CRCP: variants seen among roughly 807,000 people sequenced by gnomAD.
CRCP encodes the protein CGRP receptor component, also known as DNA-directed RNA polymerase III subunit RPC9.
In CRCP, 18 loss-of-function variants were observed where a neutral mutation model predicts 18.5. That is an observed-to-expected ratio of 0.97 (90% CI 0.67 to 1.44). The LOEUF is 1.44. Among genes scored for constraint, CRCP ranks in the 40% most tolerant of loss-of-function variants. The pLI is 0.00. For missense variants in CRCP, 130 were observed against 176.4 expected (o/e 0.74, Z 1.49); for synonymous variants, 53 against 62.9 (o/e 0.84, Z 0.75).
chr7:66,145,758 T>C (rs1278462112), intron 5 of CRCP, among the ~76,000 whole-genome samples: 5 of 152,246 alleles, frequency 3.3e-5, no homozygotes, highest in Non-Finnish European at 7.3e-5. Flanking sequence ...GTCCAGGCCA[T>C]TCTGGCCATT....
At chr7:66,151,673 C>CTCTCTGTGTG (rs1484742797) in intron 5 of CRCP, among the ~76,000 whole-genome samples, 3 of 138,522 alleles carry the variant, frequency 2.2e-5, no homozygotes, top group Middle Eastern at 3.7e-3. Context: ...CCACTTCTCT[C>CTCTCTGTGTG]TGTGTGTGTG....
intron 1 of CRCP, among the ~76,000 whole-genome samples, chr7:66,116,672 T>C (rs2115836405): frequency 6.6e-6 from 1 of 152,200 alleles, no homozygotes; most frequent in Admixed American, 6.6e-5. Flanking sequence ...GAATTCATCT[T>C]AGAAAATCCT....
intron 1 of CRCP, among the ~76,000 whole-genome samples, chr7:66,124,576 T>G (rs966832978): frequency 4.6e-5 from 7 of 151,088 alleles, no homozygotes; most frequent in Non-Finnish European, 2.9e-5. Context: ...TGTTTTTGAT[T>G]AGAGACACTT....
At chr7:66,141,147 G>A (rs934037718) in intron 4 of CRCP, among the ~76,000 whole-genome samples, 2 of 152,138 alleles carry the variant, frequency 1.3e-5, no homozygotes, top group Non-Finnish European at 2.9e-5. Flanking sequence ...AAGAGGGAGC[G>A]GCAGGCTTCT....
At chr7:66,138,462 A>AT (rs555675057) in intron 4 of CRCP, among the ~76,000 whole-genome samples, 28 of 151,408 alleles carry the variant, frequency 1.8e-4, no homozygotes, top group African/African-American at 5.8e-4. Context: ...TGCTGTTAAG[A>AT]TTTTTTTTAT....
intron 1 of CRCP, among the ~76,000 whole-genome samples, chr7:66,125,771 G>A (rs1181399763): frequency 6.7e-6 from 1 of 149,350 alleles, no homozygotes; most frequent in African/African-American, 2.4e-5. Flanking sequence ...AAATAAAGTT[G>A]TAACAGTGCA....
At chr7:66,119,652 C>G (rs977135152) in intron 1 of CRCP, 15 of 152,190 alleles carry the variant, frequency 9.9e-5, no homozygotes, top group Non-Finnish European at 1.8e-4. Flanking sequence ...AGAGAAAACC[C>G]CACACATCTG....
intron 5 of CRCP, among the ~76,000 whole-genome samples, chr7:66,146,380 T>C (rs1788299341): frequency 6.6e-6 from 1 of 151,990 alleles, no homozygotes; most frequent in South Asian, 2.1e-4. Flanking sequence ...GGCCGCTGCC[T>C]TCTTATTACA....
intron 4 of CRCP, among the ~76,000 whole-genome samples, chr7:66,138,414 G>A (rs890644518): frequency 1.3e-4 from 20 of 151,656 alleles, no homozygotes; most frequent in South Asian, 2.1e-4. Context: ...ATTTTAATCC[G>A]CTATCACTCT....
chr7:66,148,962 C>T (rs187315388), intron 5 of CRCP, among the ~76,000 whole-genome samples: 1 of 152,336 alleles, frequency 6.6e-6, no homozygotes, highest in Admixed American at 6.5e-5. Context: ...TTGTTGCTAT[C>T]AGATCTTTGA....
At chr7:66,115,449 G>A (rs1787230091) in intron 1 of CRCP, among the ~76,000 whole-genome samples, 1 of 152,138 alleles carries the variant, frequency 6.6e-6, no homozygotes, top group Admixed American at 6.6e-5. Context: ...AATTTGATGG[G>A]AGCAGTAAAC....
chr7:66,141,593 G>A (rs1788140306), intron 4 of CRCP, among the ~76,000 whole-genome samples: 1 of 152,168 alleles, frequency 6.6e-6, no homozygotes, highest in African/African-American at 2.4e-5. Context: ...AGAAGGGAGA[G>A]TCGGATCAGG....
intron 2 of CRCP, among the ~76,000 whole-genome samples, chr7:66,129,753 T>C (rs925538733): frequency 2.6e-5 from 4 of 152,180 alleles, no homozygotes; most frequent in African/African-American, 9.7e-5. Context: ...GTTTGGGTGT[T>C]TTATCCATTG....
intron 4 of CRCP, among the ~76,000 whole-genome samples, chr7:66,142,132 C>T (rs191355942): frequency 4.6e-5 from 7 of 152,140 alleles, no homozygotes; most frequent in African/African-American, 7.2e-5. Flanking sequence ...GAAAACTAAC[C>T]GGAATGAACT....
At chr7:66,133,190 G>A (rs1228635796) in intron 3 of CRCP, among the ~76,000 whole-genome samples, 1 of 151,972 alleles carries the variant, frequency 6.6e-6, no homozygotes, top group Non-Finnish European at 1.5e-5. Flanking sequence ...TGGTACAATT[G>A]CCTAAGAGTG....
intron 5 of CRCP, among the ~76,000 whole-genome samples, chr7:66,150,051 C>G (rs982257146): frequency 1.3e-5 from 2 of 151,820 alleles, no homozygotes; most frequent in Non-Finnish European, 2.9e-5. Flanking sequence ...TGTGATCCGC[C>G]CACCTCAGCC....
intron 1 of CRCP, among the ~76,000 whole-genome samples, chr7:66,122,901 G>C (rs1787489099): frequency 6.6e-6 from 1 of 151,496 alleles, no homozygotes; most frequent in Non-Finnish European, 1.5e-5. Flanking sequence ...AATGCACTTA[G>C]AGTATTTGCT....
rs1445755230 is a variant in CRCP, at chr7:66,153,925, G to T, written c.*1568G>T. 6.6e-6 allele frequency: 1 copy of T among 151,724 alleles called. No individual in the cohort carries two copies. The highest frequency in any genetic ancestry group is 2.4e-5 in the African/African-American group (1 of 41,286). The allele number at this position is 151,724 out of a possible 1,614,324, so 9.4% of individuals were successfully genotyped here. ...AGATATAAAAAACTAGCCGAGCGTG[G>T]TGTTGCATGCCTGTGATCCCAGCTA... On this transcript the variant is annotated 3_prime_UTR_variant, in exon 6 of 6. Coordinates refer to ENST00000395326, the MANE Select transcript of CRCP (RefSeq NM_014478.5).
intron 3 of CRCP, among the ~76,000 whole-genome samples, chr7:66,131,309 G>A (rs1787796772): frequency 6.6e-6 from 1 of 152,116 alleles, no homozygotes; most frequent in Non-Finnish European, 1.5e-5. Flanking sequence ...TTATAGAAGT[G>A]AGAGGAGTTT....
Sources: gnomAD v4.1 joint callset for allele counts (sites outside exome capture counted in the v4.1 genomes callset) on GRCh38, gnomAD v4.1.1 for gene constraint, MANE v1.5 for transcripts, NCBI Gene and HGNC (gene_info 2026-07-23, HGNC 2026-07-21) for gene names.